COL22A1: variants seen among roughly 807,000 people sequenced by gnomAD.
COL22A1 encodes collagen alpha-1(XXII) chain.
Under a neutral mutation model 248.9 loss-of-function variants are expected in COL22A1, and 221 were observed. The observed-to-expected ratio is 0.89, with a 90% confidence interval of 0.80 to 0.99. COL22A1 has a LOEUF of 0.99. COL22A1 is among the 50% of genes least tolerant of loss of function. The probability of loss-of-function intolerance (pLI) is 0.00; values close to 1 mark genes in which losing one functional copy is unlikely to be tolerated. For missense variants in COL22A1, 2,240 were observed against 2,179.0 expected, an observed-to-expected ratio of 1.03 and a Z score of -0.56; for synonymous variants, 891 against 793.4, an observed-to-expected ratio of 1.12 and a Z score of -2.07.
chr8:138,798,398 T>TG (rs1816729801), intron 11 of COL22A1, among the ~76,000 whole-genome samples: 1 of 152,000 alleles, frequency 6.6e-6, no homozygotes, highest in Non-Finnish European at 1.5e-5. Flanking sequence ...TAGTGTAACA[T>TG]TTACACTACT....
chr8:138,706,188 G>T lies in COL22A1; in HGVS notation c.2518-2841C>A, dbSNP rs1164296904. Reference sequence around the variant, plus strand: ...CTTAGACTCCCACACAATAATAATGGGAGACTTTAACACCCCACTGTCAAC... The same window carrying T: ...CTTAGACTCCCACACAATAATAATGTGAGACTTTAACACCCCACTGTCAAC... On this transcript the variant is annotated intron_variant, in intron 30 of 64. Transcript: ENST00000303045. 2.6e-5 allele frequency among the ~76,000 whole-genome samples: 4 copies of T among 152,108 alleles called. No individual in the cohort carries two copies. The South Asian group carries it at 6.2e-4, about 24-fold the overall frequency.
intron 16 of COL22A1, among the ~76,000 whole-genome samples, chr8:138,768,323 G>A (rs146286240): frequency 9.4e-4 from 143 of 152,272 alleles, no homozygotes; most frequent in African/African-American, 3.3e-3. Context: ...GACTGTCACT[G>A]AAGCACACTC....
intron 4 of COL22A1, among the ~76,000 whole-genome samples, chr8:138,843,297 C>G (rs1457675954): frequency 6.6e-6 from 1 of 152,150 alleles, no homozygotes; most frequent in Non-Finnish European, 1.5e-5. Context: ...CCAAACACTT[C>G]GTCCTGACCT....
intron 47 of COL22A1, among the ~76,000 whole-genome samples, chr8:138,645,728 A>T (rs1404362406): frequency 6.6e-6 from 1 of 152,210 alleles, no homozygotes; most frequent in Non-Finnish European, 1.5e-5. Context: ...TCTAACCCCA[A>T]GGACTGACTT....
intron 9 of COL22A1, among the ~76,000 whole-genome samples, chr8:138,810,140 G>A (rs1288740441): frequency 6.6e-6 from 1 of 152,200 alleles, no homozygotes; most frequent in Non-Finnish European, 1.5e-5. Context: ...GGAGGAAAGA[G>A]AGGGAGGGAA....
intron 40 of COL22A1, among the ~76,000 whole-genome samples, chr8:138,678,585 A>T (rs1206839586): frequency 1.3e-5 from 2 of 151,846 alleles, no homozygotes; most frequent in African/African-American, 2.4e-5. Context: ...AGTAAAAAAA[A>T]AATAAGACAA....
chr8:138,709,696 T>TTAA (rs1430380581), intron 30 of COL22A1, among the ~76,000 whole-genome samples: 1 of 151,760 alleles, frequency 6.6e-6, no homozygotes, highest in Admixed American at 6.6e-5. Context: ...AAATGACAAG[T>TTAA]TAATGGTGGC....
intron 46 of COL22A1, among the ~76,000 whole-genome samples, chr8:138,648,418 T>C (rs1020232374): frequency 2.6e-5 from 4 of 152,216 alleles, no homozygotes; most frequent in African/African-American, 9.7e-5. Context: ...CATGTATGGG[T>C]AAAATACAAA....
intron 49 of COL22A1, among the ~76,000 whole-genome samples, chr8:138,632,241 A>G (rs1410616668): frequency 6.6e-6 from 1 of 152,214 alleles, no homozygotes; most frequent in African/African-American, 2.4e-5. Flanking sequence ...TCCTGAGCCC[A>G]TATCCCATTT....
In COL22A1 at chr8:138,606,407, CA is replaced by C. The variant is rs1446891127; in HGVS notation, c.4077del (p.Gly1360AlafsTer68). On this transcript the variant is annotated frameshift_variant, in exon 58 of 65. Transcript: ENST00000303045. LOFTEE classifies it high-confidence loss of function. ...GGAGGCCCACGGGGACCCAGGAAGC[CA>C]GGAAGTCCTGGGCTGCCATTTTCCC... ...SKGENGSPGL[P>X]GFLGPRGPPG... 5.6e-6 allele frequency: 9 copies of C among 1,613,448 alleles called. No homozygotes were observed. In the African/African-American group the frequency reaches 1.2e-4, roughly 22 times the overall value.
At chr8:138,902,684 C>G (rs948822558) in intron 1 of COL22A1, among the ~76,000 whole-genome samples, 1 of 145,658 alleles carries the variant, frequency 6.9e-6, no homozygotes, top group Non-Finnish European at 1.5e-5. Flanking sequence ...CCAGCCTGGG[C>G]GACAGAGCAA....
intron 2 of COL22A1, among the ~76,000 whole-genome samples, chr8:138,880,342 G>A (rs189701555): frequency 8.7e-4 from 133 of 152,292 alleles, no homozygotes; most frequent in African/African-American, 3.0e-3. Flanking sequence ...AAACCTGTGC[G>A]TGTGTGTGCA....
chr8:138,736,084 C>A (rs946504573), intron 23 of COL22A1, among the ~76,000 whole-genome samples: 2 of 152,058 alleles, frequency 1.3e-5, no homozygotes, highest in African/African-American at 2.4e-5. Flanking sequence ...CTGTCTACCC[C>A]CTGTGCGCTA....
chr8:138,730,572 G>A (rs976175157), intron 23 of COL22A1, among the ~76,000 whole-genome samples: 2 of 152,112 alleles, frequency 1.3e-5, no homozygotes, highest in East Asian at 1.9e-4. Flanking sequence ...TGTGACTTAC[G>A]GCAAGGGTTT....
chr8:138,873,433 C>T (rs551022365), intron 3 of COL22A1, among the ~76,000 whole-genome samples: 1 of 152,272 alleles, frequency 6.6e-6, no homozygotes, highest in South Asian at 2.1e-4. Context: ...ACTGTCAGGC[C>T]ACTGCCCTTA....
At chr8:138,659,763 C>T (rs1027857785) in intron 44 of COL22A1, among the ~76,000 whole-genome samples, 3 of 152,222 alleles carry the variant, frequency 2.0e-5, no homozygotes, top group South Asian at 2.1e-4. Context: ...ATAGGACTCT[C>T]GGGCTGGACT....
Position 138,826,878 on chromosome 8 carries a change from A to C in COL22A1, c.846-97T>G, listed in dbSNP as rs562102183. On this transcript the variant is annotated intron_variant, in intron 5 of 64. Transcript: ENST00000303045. Reference sequence around the variant, plus strand: ...AACCCAGCAGTGATCAAGCCCTGCCAATTTGACTTCCTAAATATTTCCACC... The same window carrying C: ...AACCCAGCAGTGATCAAGCCCTGCCCATTTGACTTCCTAAATATTTCCACC... The C allele has an allele frequency of 2.8e-6, 4 of 1,408,988 alleles. No individual in the cohort carries two copies. The African/African-American group carries it at 5.7e-5, about 20-fold the overall frequency. 87.3% of individuals were successfully genotyped at this position (1,408,988 alleles called of 1,614,324 possible).
chr8:138,875,953 G>A (rs12549200), intron 3 of COL22A1, among the ~76,000 whole-genome samples: 36,224 of 152,026 alleles, frequency 0.24, 4,920 homozygotes, highest in African/African-American at 0.39. Context: ...CCAAGTCATC[G>A]GTGCTGGATC....
At chr8:138,751,771 C>T (rs1205097355) in intron 21 of COL22A1, among the ~76,000 whole-genome samples, 1 of 152,106 alleles carries the variant, frequency 6.6e-6, no homozygotes, top group African/African-American at 2.4e-5. Flanking sequence ...TGTAAGCATC[C>T]AACAGCTTGC....
Sources: allele counts gnomAD v4.1 joint callset (sites outside exome capture counted in the v4.1 genomes callset), GRCh38; gene constraint gnomAD v4.1.1; transcripts MANE v1.5; gene names NCBI Gene and HGNC (gene_info 2026-07-23, HGNC 2026-07-21).